The following TEAD4 variants were observed in gnomAD, a reference collection of about 807,000 sequenced individuals.
TEAD4 encodes transcriptional enhancer factor TEF-3.
In TEAD4, 36 loss-of-function variants were observed where a neutral mutation model predicts 52.4. The ratio of observed to expected loss-of-function variants is 0.69; its 90% CI spans 0.53 to 0.91. The LOEUF (loss-of-function observed/expected upper bound fraction) is 0.91. TEAD4 is among the 40% of genes least tolerant of loss of function. The pLI, the probability that TEAD4 is intolerant of heterozygous loss-of-function variation, is 0.00. For missense variants in TEAD4, 508 were observed against 583.9 expected (o/e 0.87, Z 1.34); for synonymous variants, 220 against 231.0 (o/e 0.95, Z 0.43).
intron 10 of TEAD4, among the ~76,000 whole-genome samples, chr12:3,027,212 C>T (rs542633640): frequency 2.0e-5 from 3 of 152,112 alleles, no homozygotes; most frequent in Non-Finnish European, 4.4e-5. Flanking sequence ...AGGCTGGTCT[C>T]GAACTCCTGA....
intron 2 of TEAD4, among the ~76,000 whole-genome samples, chr12:2,971,011 G>A (rs2098224524): frequency 6.6e-6 from 1 of 152,176 alleles, no homozygotes; most frequent in Admixed American, 6.5e-5. Context: ...CTCCTCTCTT[G>A]GCATCAGCTC....
intron 2 of TEAD4, among the ~76,000 whole-genome samples, chr12:2,977,826 A>G (rs1035320526): frequency 6.6e-6 from 1 of 152,082 alleles, no homozygotes; most frequent in Admixed American, 6.6e-5. Flanking sequence ...CAGTGGTGGG[A>G]GCTCAGGCCC....
chr12:3,034,456 G>A (rs939338626), intron 10 of TEAD4, among the ~76,000 whole-genome samples: 1 of 152,118 alleles, frequency 6.6e-6, no homozygotes, highest in African/African-American at 2.4e-5. Context: ...AAGGGGGCAA[G>A]GACATCTGGA....
intron 3 of TEAD4, among the ~76,000 whole-genome samples, chr12:2,996,996 A>C (rs1050714919): frequency 6.6e-5 from 10 of 152,216 alleles, no homozygotes; most frequent in Admixed American, 5.9e-4. Flanking sequence ...CCCAAATAAC[A>C]GTGGCTTACA....
chr12:2,961,867 A>T (rs2098215621), intron 2 of TEAD4, among the ~76,000 whole-genome samples: 1 of 152,078 alleles, frequency 6.6e-6, no homozygotes, highest in African/African-American at 2.4e-5. Flanking sequence ...TTTATTTAGC[A>T]AACATGAATC....
chr12:2,968,442 G>C lies in TEAD4; in HGVS notation c.-30+8402G>C, dbSNP rs1482844202. Among the ~76,000 whole-genome samples, 3 of 113,630 alleles carry C rather than the reference G, an allele frequency of 2.6e-5. No individual in the cohort carries two copies. In the Admixed American group the frequency reaches 4.0e-4, roughly 15 times the overall value. The allele number at this position is 113,630 out of a possible 152,430, so 74.5% of individuals were successfully genotyped here. A position where few individuals can be genotyped will look rare whatever the true frequency, so the allele number is the denominator to read the frequency against. On this transcript the variant is annotated intron_variant, in intron 2 of 12. Transcript: ENST00000359864. Reference sequence around the variant, plus strand: ...GACAGGGTCTTAACTCTGTCACCCAGGCTAGAGTGCAGCGTTGCAATCACA... The same window carrying C: ...GACAGGGTCTTAACTCTGTCACCCACGCTAGAGTGCAGCGTTGCAATCACA...
intron 10 of TEAD4, among the ~76,000 whole-genome samples, chr12:3,035,432 A>G (rs1465844015): frequency 6.6e-6 from 1 of 152,220 alleles, no homozygotes; most frequent in Non-Finnish European, 1.5e-5. Context: ...GCTTCCAGCT[A>G]CAGAATATGT....
At chr12:2,987,875 G>C (rs1034506198) in intron 2 of TEAD4, among the ~76,000 whole-genome samples, 1 of 151,566 alleles carries the variant, frequency 6.6e-6, no homozygotes, top group Non-Finnish European at 1.5e-5. Context: ...GACCAGCCTG[G>C]CCAACATGGT....
At chr12:2,968,243 T>C (rs1330428081) in intron 2 of TEAD4, among the ~76,000 whole-genome samples, 1 of 151,902 alleles carries the variant, frequency 6.6e-6, no homozygotes, top group East Asian at 1.9e-4. Context: ...TTTGCCACCA[T>C]GCCTGGCTAA....
chr12:3,001,984 C>T (rs775751987), intron 3 of TEAD4, among the ~76,000 whole-genome samples: 5 of 151,008 alleles, frequency 3.3e-5, no homozygotes, highest in South Asian at 4.2e-4. Flanking sequence ...ATTAGCTACT[C>T]GGGAGGCTGA....
At chr12:2,992,284 G>T (rs905731068) in intron 2 of TEAD4, among the ~76,000 whole-genome samples, 1 of 152,116 alleles carries the variant, frequency 6.6e-6, no homozygotes, top group Non-Finnish European at 1.5e-5. Context: ...CTCCCAAAGT[G>T]CTGGGATTAC....
At chr12:3,001,888 C>T (rs1025634306) in intron 3 of TEAD4, among the ~76,000 whole-genome samples, 3 of 151,450 alleles carry the variant, frequency 2.0e-5, no homozygotes, top group African/African-American at 7.3e-5. Context: ...GTCAGGAGTT[C>T]GAGACCAGCC....
intron 10 of TEAD4, among the ~76,000 whole-genome samples, chr12:3,024,765 G>C (rs913666125): frequency 7.9e-5 from 12 of 152,066 alleles, no homozygotes; most frequent in African/African-American, 2.9e-4. Context: ...AATGGCTCTT[G>C]CATATTTTTT....
At chr12:2,970,147 G>T (rs531545602) in intron 2 of TEAD4, among the ~76,000 whole-genome samples, 23 of 152,282 alleles carry the variant, frequency 1.5e-4, no homozygotes, top group Non-Finnish European at 3.1e-4. Flanking sequence ...TCATTTTAAC[G>T]TAATCAATAG....
intron 2 of TEAD4, among the ~76,000 whole-genome samples, chr12:2,969,003 C>T (rs1468326366): frequency 6.6e-6 from 1 of 152,054 alleles, no homozygotes; most frequent in Non-Finnish European, 1.5e-5. Context: ...ACCTGCCCAG[C>T]ATCTGGGTGC....
chr12:2,995,381 A>G (rs990845174), intron 3 of TEAD4, among the ~76,000 whole-genome samples: 1 of 152,160 alleles, frequency 6.6e-6, no homozygotes, highest in African/African-American at 2.4e-5. Context: ...TCATTCATGC[A>G]ACAAACAGAT....
At chr12:2,964,844 T>A (rs1029068227) in intron 2 of TEAD4, among the ~76,000 whole-genome samples, 7 of 152,010 alleles carry the variant, frequency 4.6e-5, no homozygotes, top group African/African-American at 1.7e-4. Context: ...AGGACTCTTG[T>A]CTTGCCTCCA....
At chr12:3,000,672 A>T (rs1049949179) in intron 3 of TEAD4, among the ~76,000 whole-genome samples, 2 of 152,142 alleles carry the variant, frequency 1.3e-5, no homozygotes, top group Non-Finnish European at 2.9e-5. Context: ...GCTCCAGGCA[A>T]GGGGGTGGAG....
chr12:3,001,889 G>A (rs892405045), intron 3 of TEAD4, among the ~76,000 whole-genome samples: 3 of 151,960 alleles, frequency 2.0e-5, no homozygotes, highest in South Asian at 2.1e-4. Flanking sequence ...TCAGGAGTTC[G>A]AGACCAGCCT....
Sources: allele counts gnomAD v4.1 joint callset (sites outside exome capture counted in the v4.1 genomes callset), GRCh38; gene constraint gnomAD v4.1.1; transcripts MANE v1.5; gene names NCBI Gene and HGNC (gene_info 2026-07-23, HGNC 2026-07-21).